The following TNFRSF19 variants were observed in gnomAD, a reference collection of about 807,000 sequenced individuals.
TNFRSF19 encodes TNF receptor superfamily member 19.
A neutral mutation model predicts 46.4 loss-of-function variants in TNFRSF19; 27 were observed. The observed-to-expected ratio is 0.58, with a 90% CI of 0.43 to 0.80. The LOEUF is 0.80. Among genes scored for constraint, TNFRSF19 ranks in the 30% least tolerant of loss-of-function variants. The pLI, the probability that TNFRSF19 is intolerant of heterozygous loss-of-function variation, is 0.00. For synonymous variants in TNFRSF19, 204 were observed against 205.0 expected (o/e 1.00, Z 0.04); for missense variants, 511 against 530.8 (o/e 0.96, Z 0.37).
At chr13:23,606,028 C>T (rs1880487496) in intron 3 of TNFRSF19, among the ~76,000 whole-genome samples, 1 of 151,876 alleles carries the variant, frequency 6.6e-6, no homozygotes, top group Non-Finnish European at 1.5e-5. Flanking sequence ...AAGAATGAGC[C>T]TTTGTGTGTG....
chr13:23,604,674 A>G (rs1880396101), intron 3 of TNFRSF19, among the ~76,000 whole-genome samples: 1 of 152,168 alleles, frequency 6.6e-6, no homozygotes, highest in Admixed American at 6.6e-5. Flanking sequence ...GTGGAACAGA[A>G]TAGAGAGCCC....
At chr13:23,588,971 A>G (rs537565621) in intron 1 of TNFRSF19, among the ~76,000 whole-genome samples, 1 of 152,190 alleles carries the variant, frequency 6.6e-6, no homozygotes, top group South Asian at 2.1e-4. Flanking sequence ...CCGTCAGCTC[A>G]CCCCTGATAG....
intron 3 of TNFRSF19, among the ~76,000 whole-genome samples, chr13:23,598,761 TTGC>T (rs540818436): frequency 1.1e-3 from 163 of 152,362 alleles, no homozygotes; most frequent in Non-Finnish European, 1.7e-3. Flanking sequence ...ATACATCCAT[TTGC>T]TTTATTTGCT....
Position 23,639,515 on chromosome 13 carries a change from A to G in TNFRSF19, c.445+12723A>G, listed in dbSNP as rs1039006064. Among the ~76,000 whole-genome samples the G allele has an allele frequency of 3.3e-5, 5 of 152,320 alleles. 1 individual carries two copies. Among genetic ancestry groups the G allele is most frequent in the Admixed American group, 2.6e-4 (4 of 15,302 alleles). On this transcript the variant is annotated intron_variant, in intron 5 of 9. Coordinates refer to ENST00000248484, the MANE Select transcript of TNFRSF19 (RefSeq NM_148957.4). ...CTCAGGAGCCCTGCTGTGCACAGTT[A>G]TAGCCACATGCCAGGGGGATTTGTC...
intron 5 of TNFRSF19, among the ~76,000 whole-genome samples, chr13:23,640,229 G>A (rs560131654): frequency 1.4e-4 from 22 of 152,062 alleles, no homozygotes; most frequent in South Asian, 6.2e-4. Context: ...AACCAGTCCC[G>A]TATCTCCACA....
At chr13:23,667,911 T>G in intron 7 of TNFRSF19, 69 bp from the exon 8 acceptor site, 1 of 1,323,996 alleles carries the variant, frequency 7.6e-7, no homozygotes, top group Non-Finnish European at 1.0e-6. Flanking sequence ...AGAGCAGTGT[T>G]GAAGTGTTAT....
At chr13:23,644,835 A>G (rs909411122) in intron 5 of TNFRSF19, among the ~76,000 whole-genome samples, 3 of 151,316 alleles carry the variant, frequency 2.0e-5, no homozygotes, top group African/African-American at 4.8e-5. Flanking sequence ...CTGTGTGTAT[A>G]TATATATATA....
intron 3 of TNFRSF19, among the ~76,000 whole-genome samples, chr13:23,613,525 C>T (rs1292762353): frequency 2.0e-5 from 3 of 152,234 alleles, no homozygotes; most frequent in African/African-American, 7.2e-5. Flanking sequence ...TCTCCTTTCT[C>T]TTTCCCTTGT....
intron 2 of TNFRSF19, among the ~76,000 whole-genome samples, chr13:23,593,075 T>C (rs1879433153): frequency 6.6e-6 from 1 of 152,086 alleles, no homozygotes; most frequent in African/African-American, 2.4e-5. Context: ...CTGAGGAGGA[T>C]AGCAGTTAAT....
chr13:23,580,599 T>TTCATG (rs1454049171), intron 1 of TNFRSF19, among the ~76,000 whole-genome samples: 1 of 152,258 alleles, frequency 6.6e-6, no homozygotes, highest in East Asian at 1.9e-4. Context: ...CAACACTGCT[T>TTCATG]TCATGTAGTC....
At chr13:23,638,816 G>A (rs1882859284) in intron 5 of TNFRSF19, among the ~76,000 whole-genome samples, 1 of 152,070 alleles carries the variant, frequency 6.6e-6, no homozygotes, top group Non-Finnish European at 1.5e-5. Flanking sequence ...CCATCACGCT[G>A]CGGGTTCCTG....
chr13:23,619,566 A>G (rs1364947597), intron 4 of TNFRSF19, among the ~76,000 whole-genome samples: 2 of 152,238 alleles, frequency 1.3e-5, no homozygotes, highest in Admixed American at 1.3e-4. Flanking sequence ...TGCCTTAAAA[A>G]AAAAAGGAAC....
At chr13:23,572,157 G>C (rs1197140314) in intron 1 of TNFRSF19, among the ~76,000 whole-genome samples, 1 of 152,106 alleles carries the variant, frequency 6.6e-6, no homozygotes, top group Non-Finnish European at 1.5e-5. Flanking sequence ...TAGTTGTTAA[G>C]TGGAGGTTAT....
intron 7 of TNFRSF19, among the ~76,000 whole-genome samples, chr13:23,664,435 C>G (rs964685606): frequency 2.0e-5 from 3 of 152,050 alleles, no homozygotes; most frequent in African/African-American, 2.4e-5. Context: ...ACATCCCACT[C>G]CCCCACCACC....
At chr13:23,604,665 T>C (rs1880395777) in intron 3 of TNFRSF19, among the ~76,000 whole-genome samples, 1 of 151,964 alleles carries the variant, frequency 6.6e-6, no homozygotes, top group Admixed American at 6.6e-5. Context: ...AACCAATCAG[T>C]GGAACAGAAT....
At chr13:23,592,705 T>C (rs1566169948) in intron 2 of TNFRSF19, among the ~76,000 whole-genome samples, 1 of 152,182 alleles carries the variant, frequency 6.6e-6, no homozygotes, top group African/African-American at 2.4e-5. Context: ...TTTACTGGTG[T>C]CCTGATTGTT....
intron 5 of TNFRSF19, among the ~76,000 whole-genome samples, chr13:23,641,897 G>T (rs1389918971): frequency 2.0e-5 from 3 of 152,176 alleles, no homozygotes; most frequent in African/African-American, 7.2e-5. Flanking sequence ...ACCCTAGCCT[G>T]CTTTAAATGT....
At chr13:23,614,536 G>A (rs1466515473) in intron 3 of TNFRSF19, among the ~76,000 whole-genome samples, 1 of 151,994 alleles carries the variant, frequency 6.6e-6, no homozygotes, top group Non-Finnish European at 1.5e-5. Context: ...AGGAAACTGA[G>A]GTTTCTTGCA....
At chr13:23,573,777 T>C (rs1182011301) in intron 1 of TNFRSF19, among the ~76,000 whole-genome samples, 1 of 152,084 alleles carries the variant, frequency 6.6e-6, no homozygotes, top group Non-Finnish European at 1.5e-5. Flanking sequence ...AAAATATATC[T>C]TGGGGCCAGG....
Sources: allele counts gnomAD v4.1 joint callset (sites outside exome capture counted in the v4.1 genomes callset), GRCh38; gene constraint gnomAD v4.1.1; transcripts MANE v1.5; gene names NCBI Gene and HGNC (gene_info 2026-07-23, HGNC 2026-07-21).